The following BAIAP2 variants were observed in gnomAD, a reference collection of about 807,000 sequenced individuals.
BAIAP2 encodes BAR/IMD domain-containing adapter protein 2.
In BAIAP2, 18 loss-of-function variants were observed where a neutral mutation model predicts 63.0. The observed-to-expected ratio is 0.29, with a 90% CI of 0.20 to 0.42. The LOEUF (loss-of-function observed/expected upper bound fraction) is 0.42. Ranked by LOEUF, BAIAP2 falls within the 10% of genes least tolerant of loss-of-function variation. The probability of loss-of-function intolerance (pLI) is 1.00; values close to 1 mark genes in which losing one functional copy is unlikely to be tolerated. For missense variants in BAIAP2, 610 were observed against 734.3 expected, an observed-to-expected ratio of 0.83 and a Z score of 1.96; for synonymous variants, 386 against 307.6, an observed-to-expected ratio of 1.25 and a Z score of -2.67.
chr17:81,075,350 T>C (rs1184510163), intron 3 of BAIAP2, among the ~76,000 whole-genome samples: 1 of 152,160 alleles, frequency 6.6e-6, no homozygotes, highest in African/African-American at 2.4e-5. Flanking sequence ...CCCAGTCTCC[T>C]GGGCTCAGCA....
Position 81,103,682 on chromosome 17 carries a change from A to G in BAIAP2, c.823A>G (p.Lys275Glu). ...LVISDPIPGA[K>E]PLPVPPELAP... The stretch of plus-strand genomic sequence containing the variant: ...CATTTCCGACCCCATTCCGGGGGCC[A>G]AGCCCCTGCCGGTGCCCCCCGAGCT... The change falls in exon 8 of 14, where the codon AAG becomes GAG. Residue 275 changes from lysine (K) to glutamate (E), a missense_variant. By Grantham distance (56) the Lys-to-Glu change is moderately conservative. Around this residue, in one of 5 missense-constraint regions of BAIAP2, gnomAD observed 389 missense variants for 455.6 expected, o/e 0.85. Coordinates refer to ENST00000428708, the MANE Select transcript of BAIAP2 (RefSeq NM_001144888.2). The G allele has an allele frequency of 6.3e-7, 1 of 1,596,058 alleles. No homozygotes were observed. Among genetic ancestry groups the G allele is most frequent in the Non-Finnish European group, 8.5e-7 (1 of 1,171,648 alleles).
intron 1 of BAIAP2, among the ~76,000 whole-genome samples, chr17:81,047,380 G>T (rs2047966279): frequency 6.6e-6 from 1 of 152,170 alleles, no homozygotes; most frequent in African/African-American, 2.4e-5. Flanking sequence ...GGTGATGAGG[G>T]TCTAAGGCAG....
chr17:81,107,008 G>GGGGTCT (rs2146003094), intron 12 of BAIAP2, 101 bp downstream of exon 12: 3 of 1,364,908 alleles, frequency 2.2e-6, no homozygotes, highest in African/African-American at 3.0e-5. Flanking sequence ...GGGGCGCCTG[G>GGGGTCT]GGGTCTGGGT....
rs776872142 is a variant in BAIAP2 at position 81,104,086 on chromosome 17, C to T, written c.1044C>T (p.Thr348=). The T allele has an allele frequency of 1.2e-6, 2 of 1,613,294 alleles. No individual in the cohort carries two copies. Among genetic ancestry groups the T allele is most frequent in the Non-Finnish European group, 1.7e-6 (2 of 1,179,986 alleles). The change falls in exon 9 of 14, where the codon ACC becomes ACT. Residue 348 remains threonine, a synonymous_variant. Transcript: ENST00000428708. ...SNTLPVRKSV[T]PKNSYATTEN... ...CACTCCCCGTGCGCAAGAGCGTGACCCCAAAAAACAGCTATGCCACCAGTA... is the reference window on the plus strand; with the variant it reads ...CACTCCCCGTGCGCAAGAGCGTGACTCCAAAAAACAGCTATGCCACCAGTA...
At chr17:81,053,428 G>C (rs1460613535) in intron 1 of BAIAP2, 3 of 550,578 alleles carry the variant, frequency 5.4e-6, no homozygotes, top group Non-Finnish European at 9.7e-6. Context: ...CTCTGCGGCC[G>C]GGTTTCTTCT....
intron 7 of BAIAP2, among the ~76,000 whole-genome samples, chr17:81,101,253 C>T (rs1034845335): frequency 2.0e-5 from 3 of 152,132 alleles, no homozygotes; most frequent in African/African-American, 2.4e-5. Flanking sequence ...GAACCAGGAG[C>T]GAGTTCCTCA....
intron 6 of BAIAP2, among the ~76,000 whole-genome samples, chr17:81,099,527 CCTGGGGCCCATGGAG>C (rs1157320454): frequency 1.3e-5 from 2 of 152,178 alleles, no homozygotes; most frequent in African/African-American, 4.8e-5. Flanking sequence ...AAGAAGCTGT[CCTGGGGCCCATGGAG>C]CTGGGGCGCA....
At chr17:81,044,293 A>G (rs901716929) in intron 1 of BAIAP2, among the ~76,000 whole-genome samples, 1 of 152,234 alleles carries the variant, frequency 6.6e-6, no homozygotes, top group Non-Finnish European at 1.5e-5. Flanking sequence ...CTTGCAGGCC[A>G]GGCGGTGACC....
intron 4 of BAIAP2, chr17:81,085,414 T>C (rs2055408281): frequency 1.5e-6 from 1 of 664,062 alleles, no homozygotes; most frequent in South Asian, 1.6e-5. Context: ...TTGTTTCCCT[T>C]GTGGCTGTTT....
At chr17:81,107,153 A>C (rs963788421) in intron 12 of BAIAP2, 13 of 495,388 alleles carry the variant, frequency 2.6e-5, no homozygotes, top group African/African-American at 6.1e-5. Context: ...CCTGTCCCTC[A>C]TGGTGCCCTC....
chr17:81,093,693 C>T (rs901450504), intron 6 of BAIAP2, among the ~76,000 whole-genome samples: 1 of 152,150 alleles, frequency 6.6e-6, no homozygotes, highest in Admixed American at 6.5e-5. Flanking sequence ...GGCTGCCCCC[C>T]ATCTCTGGGT....
intron 6 of BAIAP2, among the ~76,000 whole-genome samples, chr17:81,088,321 C>T (rs1002912900): frequency 1.3e-5 from 2 of 152,212 alleles, no homozygotes; most frequent in Non-Finnish European, 2.9e-5. Context: ...CAGCTGCCTG[C>T]TGGGGGTCCA....
intron 11 of BAIAP2, 42 bp from the exon 12 acceptor site, chr17:81,106,703 C>A: frequency 1.2e-6 from 2 of 1,609,700 alleles, no homozygotes; most frequent in Non-Finnish European, 1.7e-6. Context: ...GTGTTGGGGG[C>A]ATCCGGCCTG....
At chr17:81,107,120 C>T (rs559048936) in intron 12 of BAIAP2, 8 of 590,496 alleles carry the variant, frequency 1.4e-5, no homozygotes, top group African/African-American at 7.8e-5. Flanking sequence ...CTCCCTGTGT[C>T]GGCATGCTGG....
At chr17:81,051,864 A>G (rs1443050060) in intron 1 of BAIAP2, among the ~76,000 whole-genome samples, 1 of 152,024 alleles carries the variant, frequency 6.6e-6, no homozygotes, top group East Asian at 1.9e-4. Flanking sequence ...TAATTTTTAA[A>G]TTTTTAGTAG....
chr17:81,089,057 C>T (rs1447436697), intron 6 of BAIAP2, among the ~76,000 whole-genome samples: 3 of 152,274 alleles, frequency 2.0e-5, no homozygotes, highest in East Asian at 3.8e-4. Flanking sequence ...GCCTGCCCTC[C>T]GCGCTGCTCT....
chr17:81,103,558 C>A lies in BAIAP2; in HGVS notation c.699C>A (p.Pro233=). ...TGTGGCAACAGGCCTGTGCCGACCCCAGCAAGATCCCGGAGCGCGCGGTGC... is the reference window on the plus strand; with the variant it reads ...TGTGGCAACAGGCCTGTGCCGACCCAAGCAAGATCCCGGAGCGCGCGGTGC... ...LPLWQQACAD[P]SKIPERAVQL... is the part of the protein sequence containing the mutation. Residue 233 remains proline (P), a synonymous_variant, in exon 8 of 14, where the codon CCC becomes CCA. Coordinates refer to ENST00000428708, the MANE Select transcript of BAIAP2 (RefSeq NM_001144888.2). 6.2e-7 allele frequency: 1 copy of A among 1,600,230 alleles called. No homozygotes were observed.
intron 1 of BAIAP2, 96 bp downstream of exon 1, chr17:81,035,404 C>A: frequency 2.9e-6 from 2 of 700,882 alleles, no homozygotes; most frequent in Non-Finnish European, 3.5e-6. Flanking sequence ...GCCCCGGGGC[C>A]GCGCGCCGGG....
chr17:81,039,943 G>T (rs2046853232), intron 1 of BAIAP2, among the ~76,000 whole-genome samples: 1 of 152,180 alleles, frequency 6.6e-6, no homozygotes, highest in South Asian at 2.1e-4. Context: ...CACAGGTCTG[G>T]GCCCTGGTCA....
Sources: gnomAD v4.1 joint callset for allele counts (sites outside exome capture counted in the v4.1 genomes callset) on GRCh38, gnomAD v4.1.1 for gene constraint, gnomAD v4.1.1 regional missense constraint, MANE v1.5 for transcripts, NCBI Gene and HGNC (gene_info 2026-07-23, HGNC 2026-07-21) for gene names.